IPO5: variants seen among roughly 807,000 people sequenced by gnomAD.
IPO5 encodes importin-5.
A neutral mutation model predicts 143.3 loss-of-function variants in IPO5; 18 were observed. The ratio of observed to expected loss-of-function variants is 0.13; its 90% CI spans 0.09 to 0.19. The LOEUF (loss-of-function observed/expected upper bound fraction) is 0.19, where lower values mean the gene tolerates loss of function less well. Among genes scored for constraint, IPO5 ranks in the 10% least tolerant of loss-of-function variants. IPO5 has a pLI of 1.00. For missense variants in IPO5, 1,013 were observed against 1,336.9 expected (o/e 0.76, Z 3.78); for synonymous variants, 477 against 465.7 (o/e 1.02, Z -0.31).
chr13:97,982,632 T>C (rs1473318905), intron 5 of IPO5, 49 bp downstream of exon 5: 1 of 1,141,652 alleles, frequency 8.8e-7, no homozygotes, highest in South Asian at 1.3e-5. Flanking sequence ...AATAAGTTAT[T>C]AGATGATGAT....
Position 97,990,460 on chromosome 13 carries a change from G to A in IPO5, c.592G>A (p.Ala198Thr). ...SIRTLSARATAAFILANEHNV... is the reference protein window; with the variant it reads ...SIRTLSARATTAFILANEHNV... ...CAGGACGTTATCTGCTAGAGCTACAGCTGCATTTATACTTGCAAATGAGCA... is the reference window on the plus strand; with the variant it reads ...CAGGACGTTATCTGCTAGAGCTACAACTGCATTTATACTTGCAAATGAGCA... The change falls in exon 9 of 29, where the codon GCT (alanine) becomes ACT (threonine). Residue 198 changes from alanine to threonine, a missense_variant. Transcript: ENST00000651721. The A allele has an allele frequency of 3.7e-6, 6 of 1,604,132 alleles. No homozygotes were observed. Among genetic ancestry groups the A allele is most frequent in the Non-Finnish European group, 5.1e-6 (6 of 1,177,504 alleles).
intron 11 of IPO5, among the ~76,000 whole-genome samples, chr13:97,994,234 G>C (rs1185508674): frequency 6.6e-6 from 1 of 152,172 alleles, no homozygotes; most frequent in East Asian, 1.9e-4. Flanking sequence ...CTTGAACCCG[G>C]GAGGTGGAGG....
At position 98,023,669 on chromosome 13, in the gene IPO5, A is replaced by G. The variant is rs563456209; in HGVS notation, c.*1847A>G. 1 of 152,170 alleles carries G rather than the reference A, an allele frequency of 6.6e-6. No individual in the cohort carries two copies. Among genetic ancestry groups the G allele is most frequent in the African/African-American group, 2.4e-5 (1 of 41,442 alleles). 9.4% of individuals were successfully genotyped at this position (152,170 alleles called of 1,614,324 possible). On this transcript the variant is annotated 3_prime_UTR_variant, in exon 29 of 29. Transcript: ENST00000651721. Reference sequence around the variant, plus strand: ...GTTTAAACACTAGTGGTATTGTCAGATGCCGTTAGTATCTGAGATGTACTT... The same window carrying G: ...GTTTAAACACTAGTGGTATTGTCAGGTGCCGTTAGTATCTGAGATGTACTT...
intron 2 of IPO5, among the ~76,000 whole-genome samples, chr13:97,963,754 G>A (rs1396654188): frequency 6.6e-6 from 1 of 152,128 alleles, no homozygotes; most frequent in Non-Finnish European, 1.5e-5. Flanking sequence ...GTTACTCAGA[G>A]TCTCTTGCAA....
At chr13:97,985,730 T>C in intron 6 of IPO5, 117 bp downstream of exon 6, 1 of 706,892 alleles carries the variant, frequency 1.4e-6, no homozygotes. Flanking sequence ...ATTTATTCTG[T>C]TTAAAATGAA....
At chr13:98,016,872 T>C in intron 25 of IPO5, 21 bp downstream of exon 25, 1 of 1,499,078 alleles carries the variant, frequency 6.7e-7, no homozygotes, top group Non-Finnish European at 8.9e-7. Flanking sequence ...CCTCTCTTAA[T>C]AGTTGTTTTG....
chr13:97,972,991 C>A (rs1944145235), intron 3 of IPO5, among the ~76,000 whole-genome samples: 1 of 151,278 alleles, frequency 6.6e-6, no homozygotes, highest in Non-Finnish European at 1.5e-5. Flanking sequence ...AATCTATAAT[C>A]CTGCAGGCTG....
At chr13:97,978,307 C>G (rs1886557366) in intron 4 of IPO5, among the ~76,000 whole-genome samples, 1 of 152,120 alleles carries the variant, frequency 6.6e-6, no homozygotes, top group Non-Finnish European at 1.5e-5. Context: ...CTCTATATTT[C>G]ACATTGCCTC....
chr13:97,980,785 C>T (rs1427508471), intron 4 of IPO5, among the ~76,000 whole-genome samples: 3 of 151,098 alleles, frequency 2.0e-5, no homozygotes. Context: ...CGAGATCGCA[C>T]CACTGCGCTC....
intron 4 of IPO5, chr13:97,982,266 G>GCA (rs2139639756): frequency 2.4e-6 from 1 of 409,740 alleles, no homozygotes; most frequent in East Asian, 4.2e-5. Flanking sequence ...GGGAAAACAT[G>GCA]CACACACATT....
chr13:97,971,063 C>T (rs564221203), intron 3 of IPO5, among the ~76,000 whole-genome samples: 4 of 152,336 alleles, frequency 2.6e-5, no homozygotes, highest in Admixed American at 2.6e-4. Context: ...GGCAAGATCA[C>T]ACAGCATGTA....
intron 27 of IPO5, 54 bp from the exon 28 acceptor site, chr13:98,020,938 A>G (rs565573836): frequency 1.4e-6 from 2 of 1,438,112 alleles, no homozygotes; most frequent in Non-Finnish European, 1.9e-6. Flanking sequence ...TGAACACATA[A>G]TCATATTTCT....
At chr13:97,976,547 G>T (rs910523577) in intron 3 of IPO5, 146 bp from the exon 4 acceptor site, 12 of 144,796 alleles carry the variant, frequency 8.3e-5, no homozygotes, top group Middle Eastern at 3.1e-3. Context: ...TTTCCCCTTT[G>T]CCCCGCCCTT....
chr13:97,987,924 C>G (rs1472971712), intron 6 of IPO5: 1 of 240,238 alleles, frequency 4.2e-6, no homozygotes, highest in African/African-American at 2.3e-5. Context: ...GCAAACCTTT[C>G]CAAAGTATTC....
chr13:97,954,635 T>G (rs999050984), intron 2 of IPO5, among the ~76,000 whole-genome samples: 1 of 152,214 alleles, frequency 6.6e-6, no homozygotes, highest in African/African-American at 2.4e-5. Flanking sequence ...GTCAAAAGAT[T>G]ACTTACTTAA....
intron 4 of IPO5, among the ~76,000 whole-genome samples, chr13:97,978,381 C>T (rs983125539): frequency 1.3e-5 from 2 of 152,024 alleles, no homozygotes; most frequent in Non-Finnish European, 2.9e-5. Flanking sequence ...TATAAGCAAC[C>T]CTCTATGAAA....
intron 3 of IPO5, 71 bp downstream of exon 3, chr13:97,969,901 G>A (rs1885680373): frequency 8.2e-7 from 1 of 1,225,494 alleles, no homozygotes; most frequent in Non-Finnish European, 1.2e-6. Flanking sequence ...GTCTCGCCAT[G>A]TTGCCCAGGC....
intron 18 of IPO5, among the ~76,000 whole-genome samples, chr13:98,008,552 C>T (rs1241910507): frequency 1.3e-5 from 2 of 152,212 alleles, no homozygotes; most frequent in Non-Finnish European, 2.9e-5. Flanking sequence ...TGATCTCCCT[C>T]CCCTGGCAGA....
intron 9 of IPO5, among the ~76,000 whole-genome samples, chr13:97,992,069 T>C (rs1487050751): frequency 6.6e-6 from 1 of 152,232 alleles, no homozygotes; most frequent in Non-Finnish European, 1.5e-5. Flanking sequence ...AAGGATTTAG[T>C]GAAACTTCTC....
Sources: gnomAD v4.1 joint callset for allele counts (sites outside exome capture counted in the v4.1 genomes callset) on GRCh38, gnomAD v4.1.1 for gene constraint, MANE v1.5 for transcripts, NCBI Gene and HGNC (gene_info 2026-07-23, HGNC 2026-07-21) for gene names.